The following FMR1NB variants were observed in gnomAD, a reference collection of about 807,000 sequenced individuals.
The protein encoded by FMR1NB is FMR1 neighbor protein.
A neutral mutation model predicts 16.8 loss-of-function variants in FMR1NB; 10 were observed. The observed-to-expected ratio is 0.60, with a 90% confidence interval of 0.37 to 1.01. FMR1NB has a LOEUF of 1.01. FMR1NB is among the 50% of genes least tolerant of loss of function. FMR1NB has a pLI of 0.01. For synonymous variants in FMR1NB, 83 were observed against 79.1 expected (o/e 1.05, Z -0.26); for missense variants, 205 against 204.8 (o/e 1.00, Z 0.00).
At chrX:147,997,132 G>C (rs1423460160) in intron 1 of FMR1NB, among the ~76,000 whole-genome samples, 1 of 111,474 alleles carries the variant, frequency 9.0e-6, no homozygotes, top group Non-Finnish European at 1.9e-5. Flanking sequence ...AGGGAAGAAA[G>C]AGCAGGGACA....
At chrX:148,009,018 A>T (rs782354028) in intron 4 of FMR1NB, among the ~76,000 whole-genome samples, 3 of 107,262 alleles carry the variant, frequency 2.8e-5, no homozygotes, top group Admixed American at 1.0e-4. Context: ...CGTTTCTATT[A>T]AAAAAAAATA....
intron 4 of FMR1NB, among the ~76,000 whole-genome samples, chrX:148,019,570 C>T (rs930876226): frequency 3.6e-5 from 4 of 111,695 alleles, no homozygotes; most frequent in Non-Finnish European, 7.5e-5. Flanking sequence ...TCCAGGTGTT[C>T]TAAGGGACTT....
intron 1 of FMR1NB, among the ~76,000 whole-genome samples, chrX:148,001,749 CA>C (rs199785751): frequency 9.8e-6 from 1 of 101,932 alleles, no homozygotes. Flanking sequence ...TACTCTGTCT[CA>C]AAAAAAAAAT....
chrX:148,019,878 T>A (rs782491629), intron 4 of FMR1NB, among the ~76,000 whole-genome samples: 1 of 111,707 alleles, frequency 9.0e-6, no homozygotes, highest in South Asian at 3.8e-4. Context: ...GCACTAGGGC[T>A]TGTCCAAGGC....
intron 1 of FMR1NB, among the ~76,000 whole-genome samples, chrX:147,998,634 T>C (rs1265678572): frequency 2.7e-5 from 3 of 112,844 alleles, no homozygotes; most frequent in African/African-American, 9.7e-5. Flanking sequence ...ATTTGCCCTA[T>C]GGCAAGTGAT....
intron 4 of FMR1NB, among the ~76,000 whole-genome samples, chrX:148,015,598 G>A (rs1215501793): frequency 8.9e-6 from 1 of 111,898 alleles, no homozygotes; most frequent in Non-Finnish European, 1.9e-5. Flanking sequence ...GGAACATATT[G>A]TTTAATTTCC....
intron 1 of FMR1NB, among the ~76,000 whole-genome samples, chrX:147,991,224 C>T (rs73247523): frequency 0.011 from 1,172 of 108,481 alleles, 9 homozygotes; most frequent in Non-Finnish European, 0.016. Flanking sequence ...TCACAAAGAC[C>T]TTTCTCCCTC....
intron 4 of FMR1NB, among the ~76,000 whole-genome samples, chrX:148,018,014 C>T (rs1453601966): frequency 1.9e-5 from 2 of 102,669 alleles, no homozygotes; most frequent in African/African-American, 3.6e-5. Flanking sequence ...GTGCATGTGT[C>T]TTTATAGCAG....
chrX:147,998,244 C>T (rs6626294), intron 1 of FMR1NB, among the ~76,000 whole-genome samples: 8 of 111,787 alleles, frequency 7.2e-5, no homozygotes, highest in Admixed American at 3.8e-4. Flanking sequence ...GAAAATATGG[C>T]ACATATACAT....
intron 4 of FMR1NB, among the ~76,000 whole-genome samples, chrX:148,019,127 A>T (rs1372006780): frequency 8.9e-6 from 1 of 112,201 alleles, no homozygotes; most frequent in Non-Finnish European, 1.9e-5. Flanking sequence ...AATGTATTTT[A>T]AAATAGCCTA....
chrX:148,004,866 C>T (rs1473468862), intron 2 of FMR1NB, among the ~76,000 whole-genome samples: 2 of 112,458 alleles, frequency 1.8e-5, no homozygotes, highest in Non-Finnish European at 3.8e-5. Flanking sequence ...ACCAATGCCT[C>T]TTAGTAATTT....
intron 4 of FMR1NB, among the ~76,000 whole-genome samples, chrX:148,009,678 C>G (rs2044614162): frequency 9.0e-6 from 1 of 111,010 alleles, no homozygotes; most frequent in South Asian, 3.8e-4. Flanking sequence ...TTGTCACTAC[C>G]CTGAGAATAA....
chrX:148,008,908 G>A (rs1449619012), intron 4 of FMR1NB, among the ~76,000 whole-genome samples, 197 bp downstream of exon 4: 1 of 111,962 alleles, frequency 8.9e-6, no homozygotes, highest in African/African-American at 3.3e-5. Flanking sequence ...GGCCAGGCAC[G>A]GTGGCTCACG....
chrX:148,021,397 CTT>C (rs781961309), intron 4 of FMR1NB, among the ~76,000 whole-genome samples: 10,824 of 90,621 alleles, frequency 0.12, 777 homozygotes, highest in African/African-American at 0.26. Flanking sequence ...TATGAAGGGG[CTT>C]TTTTTTTTTT....
At chrX:148,010,688 A>G (rs1470485929) in intron 4 of FMR1NB, among the ~76,000 whole-genome samples, 6 of 111,863 alleles carry the variant, frequency 5.4e-5, no homozygotes, top group Admixed American at 4.7e-4. Flanking sequence ...GCCAAACACA[A>G]TTGTTTGTCC....
intron 1 of FMR1NB, among the ~76,000 whole-genome samples, chrX:147,993,302 A>G (rs191594282): frequency 0.12 from 13,339 of 108,945 alleles, 1,051 homozygotes; most frequent in African/African-American, 0.31. Context: ...GGCATTCGGC[A>G]GACTGAGGCA....
chrX:147,998,225 C>T (rs1220596191), intron 1 of FMR1NB, among the ~76,000 whole-genome samples: 3 of 112,147 alleles, frequency 2.7e-5, no homozygotes, highest in Non-Finnish European at 5.6e-5. Flanking sequence ...CAATGATAGA[C>T]TGGATAAAGA....
chrX:147,982,565 G>A, intron 1 of FMR1NB, among the ~76,000 whole-genome samples: 1 of 99,028 alleles, frequency 1.0e-5, no homozygotes, highest in Middle Eastern at 5.6e-3. Flanking sequence ...CTCCAGCCTG[G>A]GCGACAGAGC....
At chrX:148,023,234 A>AT (rs1371306584) in intron 4 of FMR1NB, among the ~76,000 whole-genome samples, 3 of 111,054 alleles carry the variant, frequency 2.7e-5, no homozygotes, top group South Asian at 3.8e-4. Context: ...TTCAGTTATT[A>AT]TTTTTTTTAG....
Sources: gnomAD v4.1 joint callset for allele counts (sites outside exome capture counted in the v4.1 genomes callset) on GRCh38, gnomAD v4.1.1 for gene constraint, MANE v1.5 for transcripts, NCBI Gene and HGNC (gene_info 2026-07-23, HGNC 2026-07-21) for gene names.